The following GRM8 variants were observed in gnomAD, a reference collection of about 807,000 sequenced individuals.
GRM8 encodes the protein glutamate metabotropic receptor 8, also known as metabotropic glutamate receptor 8.
In GRM8, 47 loss-of-function variants were observed where a neutral mutation model predicts 87.2. The ratio of observed to expected loss-of-function variants is 0.54; its 90% confidence interval spans 0.43 to 0.69. The LOEUF is 0.69. Ranked by LOEUF, GRM8 falls within the 30% of genes least tolerant of loss-of-function variation. The pLI, the probability that GRM8 is intolerant of heterozygous loss-of-function variation, is 0.00. For synonymous variants in GRM8, 396 were observed against 404.5 expected (o/e 0.98, Z 0.25); for missense variants, 1,019 against 1,139.2 (o/e 0.89, Z 1.52).
chr7:127,155,399 G>GT (rs1037172922), intron 2 of GRM8, among the ~76,000 whole-genome samples: 1 of 152,066 alleles, frequency 6.6e-6, no homozygotes, highest in African/African-American at 2.4e-5. Flanking sequence ...TTCATCCAAC[G>GT]TAACTCTCAT....
intron 7 of GRM8, among the ~76,000 whole-genome samples, chr7:126,674,062 C>G (rs1806683062): frequency 4.6e-5 from 7 of 152,156 alleles, no homozygotes. Context: ...AACTCAAACA[C>G]TACAATTCAA....
At chr7:127,081,296 C>T (rs186428393) in intron 3 of GRM8, among the ~76,000 whole-genome samples, 227 of 152,270 alleles carry the variant, frequency 1.5e-3, no homozygotes, top group Non-Finnish European at 1.2e-3. Flanking sequence ...TTCTCCATCC[C>T]TGTGCAGTAG....
At chr7:126,806,085 G>A (rs866259041) in intron 6 of GRM8, among the ~76,000 whole-genome samples, 15 of 152,208 alleles carry the variant, frequency 9.9e-5, no homozygotes, top group African/African-American at 3.6e-4. Flanking sequence ...CTTCAAGAAC[G>A]AAGTCGCAGA....
chr7:126,731,973 G>T (rs1240965892), intron 7 of GRM8, among the ~76,000 whole-genome samples: 1 of 151,874 alleles, frequency 6.6e-6, no homozygotes, highest in East Asian at 1.9e-4. Context: ...TATTTTGAGG[G>T]TATAACATCA....
chr7:127,149,643 C>G (rs918522363), intron 2 of GRM8, among the ~76,000 whole-genome samples: 28 of 152,144 alleles, frequency 1.8e-4, no homozygotes, highest in African/African-American at 6.7e-4. Context: ...TCCCAACAGC[C>G]AAGACAGGGA....
rs140755214 is a variant in GRM8, at chr7:126,906,678, C to T, written c.728-1995G>A. On this transcript the variant is annotated intron_variant, in intron 3 of 10. Coordinates refer to ENST00000339582, the MANE Select transcript of GRM8 (RefSeq NM_000845.3). Reference sequence around the variant, plus strand: ...AGATTTCCAGGGTGCTGTGATCGGACCTAATATGTACAGCAGATGTATGAG... The same window carrying T: ...AGATTTCCAGGGTGCTGTGATCGGATCTAATATGTACAGCAGATGTATGAG... Among the ~76,000 whole-genome samples, 366 of 152,254 alleles carry T rather than the reference C, an allele frequency of 2.4e-3. 1 individual carries two copies. The highest frequency in any genetic ancestry group is 8.3e-3 in the African/African-American group (345 of 41,534).
chr7:126,556,961 C>G (rs930887792), intron 8 of GRM8, among the ~76,000 whole-genome samples: 3 of 152,102 alleles, frequency 2.0e-5, no homozygotes, highest in African/African-American at 7.2e-5. Context: ...TATGGATATA[C>G]TATTAAGTAT....
intron 3 of GRM8, among the ~76,000 whole-genome samples, chr7:126,946,160 G>A (rs990338709): frequency 6.6e-6 from 1 of 152,180 alleles, no homozygotes; most frequent in African/African-American, 2.4e-5. Context: ...GACTGTCATG[G>A]TTTTCCTTGA....
chr7:126,856,644 T>C (rs1797708609), intron 6 of GRM8, among the ~76,000 whole-genome samples: 1 of 152,188 alleles, frequency 6.6e-6, no homozygotes, highest in Non-Finnish European at 1.5e-5. Flanking sequence ...TTTTAGCTAA[T>C]TCACTTGGGG....
intron 2 of GRM8, among the ~76,000 whole-genome samples, chr7:127,156,240 C>T (rs1792721804): frequency 6.6e-6 from 1 of 152,098 alleles, no homozygotes; most frequent in South Asian, 2.1e-4. Flanking sequence ...CACTTGCCCT[C>T]TTACCACTGG....
At chr7:126,798,705 A>G (rs13226065) in intron 6 of GRM8, among the ~76,000 whole-genome samples, 68,552 of 152,022 alleles carry the variant, frequency 0.45, 15,870 homozygotes, top group African/African-American at 0.48. Context: ...TTACTAAACT[A>G]AACTTCTCAT....
chr7:127,241,537 G>A (rs1798301197), intron 2 of GRM8, among the ~76,000 whole-genome samples: 1 of 151,032 alleles, frequency 6.6e-6, no homozygotes, highest in Non-Finnish European at 1.5e-5. Context: ...AGGTTCAAGC[G>A]ATTCTCCTCC....
In GRM8 at chr7:127,114,141, G is replaced by A. The variant is rs566800340; in HGVS notation, c.511-7429C>T. Among the ~76,000 whole-genome samples, 55 of 152,234 alleles carry A rather than the reference G, an allele frequency of 3.6e-4. 1 individual carries two copies. Among genetic ancestry groups the A allele is most frequent in the African/African-American group, 1.2e-3 (51 of 41,534 alleles). ...TCAGAATAATCCTGTCCTCATAGTC[G>A]ACAGTTATTAAGATTCCTGTTTGTA... On this transcript the variant is annotated intron_variant, in intron 2 of 10. Transcript: ENST00000339582.
intron 2 of GRM8, among the ~76,000 whole-genome samples, chr7:127,227,393 C>T (rs2237806): frequency 0.33 from 50,036 of 152,048 alleles, 8,537 homozygotes; most frequent in Middle Eastern, 0.44. Context: ...ATACATCCAT[C>T]CAACCATTCT....
At chr7:126,891,828 C>T (rs1801038875) in intron 6 of GRM8, among the ~76,000 whole-genome samples, 2 of 151,800 alleles carry the variant, frequency 1.3e-5, no homozygotes, top group South Asian at 2.1e-4. Context: ...TTTTGTTTTG[C>T]TCACGAACAT....
chr7:126,578,394 G>A (rs1017930505), intron 8 of GRM8, among the ~76,000 whole-genome samples: 5 of 152,190 alleles, frequency 3.3e-5, no homozygotes, highest in African/African-American at 4.8e-5. Flanking sequence ...GCAGAAAGGA[G>A]ATTAGTAGTT....
At chr7:126,752,592 A>G (rs1585785643) in intron 7 of GRM8, among the ~76,000 whole-genome samples, 1 of 152,136 alleles carries the variant, frequency 6.6e-6, no homozygotes, top group Non-Finnish European at 1.5e-5. Flanking sequence ...GGGTTTCTAC[A>G]AAGTGTTTAC....
chr7:126,760,789 C>A (rs1301009474), intron 7 of GRM8, among the ~76,000 whole-genome samples: 1 of 152,092 alleles, frequency 6.6e-6, no homozygotes, highest in East Asian at 1.9e-4. Context: ...GACTTTATTT[C>A]ATTTACTAGA....
At chr7:127,224,625 T>G (rs4532535) in intron 2 of GRM8, among the ~76,000 whole-genome samples, 89,864 of 152,036 alleles carry the variant, frequency 0.59, 29,378 homozygotes, top group African/African-American at 0.89. Context: ...CAAAAATATA[T>G]ATAAATACAA....
Sources: gnomAD v4.1 joint callset for allele counts (sites outside exome capture counted in the v4.1 genomes callset) on GRCh38, gnomAD v4.1.1 for gene constraint, MANE v1.5 for transcripts, NCBI Gene and HGNC (gene_info 2026-07-23, HGNC 2026-07-21) for gene names.